The following SFI1 variants were observed in gnomAD, a reference collection of about 807,000 sequenced individuals.
SFI1 encodes protein SFI1 homolog.
In SFI1, 195 loss-of-function variants were observed where a neutral mutation model predicts 207.5. The observed-to-expected ratio is 0.94, with a 90% CI of 0.84 to 1.06. The LOEUF (loss-of-function observed/expected upper bound fraction) is 1.06. Among genes scored for constraint, SFI1 ranks in the 50% least tolerant of loss-of-function variants. The pLI is 0.00. For missense variants in SFI1, 1,634 were observed against 1,588.0 expected (o/e 1.03, Z -0.49); for synonymous variants, 630 against 598.9 (o/e 1.05, Z -0.76).
chr22:31,566,637 T>C (rs1366319255), intron 8 of SFI1, among the ~76,000 whole-genome samples: 2 of 152,196 alleles, frequency 1.3e-5, no homozygotes, highest in African/African-American at 2.4e-5. Context: ...TGTAAGTAGA[T>C]TGTAATAGTA....
At chr22:31,569,742 A>G (rs1012478644) in intron 8 of SFI1, among the ~76,000 whole-genome samples, 7 of 152,044 alleles carry the variant, frequency 4.6e-5, no homozygotes, top group African/African-American at 1.4e-4. Context: ...GAGCCCTAGC[A>G]TCTGAGACCA....
chr22:31,580,495 G>T, intron 12 of SFI1, 131 bp downstream of exon 12: 14 of 512,938 alleles, frequency 2.7e-5, no homozygotes, highest in South Asian at 5.4e-5. Flanking sequence ...TGTCCAGACT[G>T]TCAACTGTAA....
intron 15 of SFI1, among the ~76,000 whole-genome samples, chr22:31,601,917 CAGGT>C (rs749006779): frequency 6.6e-6 from 1 of 150,904 alleles, no homozygotes; most frequent in Non-Finnish European, 1.5e-5. Context: ...CTCAGCCTCC[CAGGT>C]AGTTGGTACT....
intron 2 of SFI1, among the ~76,000 whole-genome samples, chr22:31,523,423 A>G (rs1243827628): frequency 6.6e-6 from 1 of 152,232 alleles, no homozygotes; most frequent in African/African-American, 2.4e-5. Context: ...ATCCAGTTTT[A>G]ATTTCCAAGT....
chr22:31,549,214 G>A (rs2060388580), intron 5 of SFI1, among the ~76,000 whole-genome samples: 2 of 149,298 alleles, frequency 1.3e-5, no homozygotes, highest in Middle Eastern at 6.8e-3. Context: ...CTGAGCCCAG[G>A]GAGGGCTCAA....
At chr22:31,568,165 ATGTGTGTG>A (rs751455847) in intron 8 of SFI1, among the ~76,000 whole-genome samples, 76 of 119,000 alleles carry the variant, frequency 6.4e-4, no homozygotes, top group Admixed American at 1.1e-3. Flanking sequence ...CTATATATAT[ATGTGTGTG>A]TGTGTGTGTG....
chr22:31,608,938 G>T (rs2069560710), intron 22 of SFI1, among the ~76,000 whole-genome samples: 1 of 152,010 alleles, frequency 6.6e-6, no homozygotes, highest in Non-Finnish European at 1.5e-5. Context: ...CCCAAGAGCT[G>T]GAGGCTGCAA....
chr22:31,531,844 G>T (rs2058559488), intron 4 of SFI1, among the ~76,000 whole-genome samples: 1 of 149,976 alleles, frequency 6.7e-6, no homozygotes, highest in African/African-American at 2.5e-5. Context: ...GATGAGCCAA[G>T]ATTGCACAGT....
chr22:31,593,168 T>C (rs1172677367), intron 15 of SFI1, among the ~76,000 whole-genome samples: 4 of 142,192 alleles, frequency 2.8e-5, no homozygotes, highest in Non-Finnish European at 4.6e-5. Context: ...ACGGGGTGGC[T>C]GCCGGGCGGA....
intron 3 of SFI1, chr22:31,530,775 G>T (rs1484659049): frequency 4.4e-6 from 2 of 449,490 alleles, no homozygotes; most frequent in Non-Finnish European, 8.5e-6. Flanking sequence ...ATGAACAAAA[G>T]AATTATTATG....
At position 31,618,408 on chromosome 22, in the gene SFI1, C is replaced by A; in HGVS notation, c.3719C>A (p.Ala1240Asp). The change falls in exon 33 of 33, where the codon GCC (alanine) becomes GAC (aspartate). Residue 1240 changes from alanine (A) to aspartate (D), a missense_variant. Ala to Asp is a moderately radical substitution (Grantham distance 126). Transcript: ENST00000400288. ...GCCCGCATCCAGGCCCTGCGGCAGG[C>A]CCTGTGCTAGCGTGTTCGCACCAGG... Reference protein sequence around the residue: ...CVARIQALRQALC With the variant: ...CVARIQALRQDLC The A allele has an allele frequency of 6.3e-7, 1 of 1,591,130 alleles. No homozygotes were observed. Among genetic ancestry groups the A allele is most frequent in the South Asian group, 1.1e-5 (1 of 89,146 alleles).
rs2070805135 is a variant in SFI1, at chr22:31,613,683, C to T, written c.2824C>T (p.Gln942Ter). 13 of 1,611,078 alleles carry T rather than the reference C, an allele frequency of 8.1e-6. No homozygotes were observed. In the East Asian group the frequency reaches 2.7e-4, roughly 33 times the overall value. ...AGTGCTGGGCCGGGGCGGGAAGCCT[C>T]AGCCCCTGGCAGCCATCGCACCCAG... ...QKVLGRGGKP[Q>*]PLAAIAPSRK... Residue 942 changes from glutamine (Q) to a stop codon, truncating the protein, a stop_gained, in exon 27 of 33, where the codon CAG becomes TAG. Coordinates refer to ENST00000400288, the MANE Select transcript of SFI1 (RefSeq NM_001007467.3). LOFTEE classifies it high-confidence loss of function.
At chr22:31,554,339 C>T (rs997602502) in intron 6 of SFI1, among the ~76,000 whole-genome samples, 1 of 151,782 alleles carries the variant, frequency 6.6e-6, no homozygotes, top group African/African-American at 2.4e-5. Context: ...GATGGAGTCT[C>T]GCTCTATTGC....
intron 9 of SFI1, among the ~76,000 whole-genome samples, chr22:31,573,840 T>G (rs184164974): frequency 7.0e-4 from 106 of 152,338 alleles, no homozygotes; most frequent in Middle Eastern, 6.8e-3. Flanking sequence ...ATCTTCCTTT[T>G]TTCCACACAG....
chr22:31,583,990 A>C lies in SFI1; in HGVS notation c.1346+18A>C. 1 of 1,600,536 alleles carries C rather than the reference A, an allele frequency of 6.2e-7. No individual in the cohort carries two copies. Among genetic ancestry groups the C allele is most frequent in the South Asian group, 1.1e-5 (1 of 90,794 alleles). ...CACTACAGGTAGGGACTCTGGTTTC[A>C]TCCCTGGCTCTCAGGGACTTTGTGC... On this transcript the variant is annotated intron_variant, in intron 13 of 32. Coordinates refer to ENST00000400288, the MANE Select transcript of SFI1 (RefSeq NM_001007467.3).
Position 31,546,763 on chromosome 22 carries a change from G to A in SFI1, c.339-98G>A, listed in dbSNP as rs1046636992. 39 of 766,296 alleles carry A rather than the reference G, an allele frequency of 5.1e-5. No individual in the cohort carries two copies. The Admixed American group carries it at 6.6e-4, about 13-fold the overall frequency. 47.5% of individuals were successfully genotyped at this position (766,296 alleles called of 1,614,324 possible). ...ATTACAGGTGTGAGCCACCACGCCC[G>A]GCTGTACTTTTTCATGAGACGGCAA... is the stretch of plus-strand genomic sequence containing the variant. On this transcript the variant is annotated intron_variant, in intron 4 of 32. Transcript: ENST00000400288.
At chr22:31,587,042 C>G (rs2065111136) in intron 14 of SFI1, among the ~76,000 whole-genome samples, 1 of 152,140 alleles carries the variant, frequency 6.6e-6, no homozygotes, top group Non-Finnish European at 1.5e-5. Flanking sequence ...AAGTAACATA[C>G]AGTCAGCCCT....
intron 4 of SFI1, among the ~76,000 whole-genome samples, chr22:31,545,243 G>A (rs2059957107): frequency 6.6e-6 from 1 of 152,082 alleles, no homozygotes; most frequent in Non-Finnish European, 1.5e-5. Context: ...GCACATGCCT[G>A]TAATCCCGCT....
chr22:31,517,003 G>A (rs573811126), intron 2 of SFI1, among the ~76,000 whole-genome samples: 6 of 149,790 alleles, frequency 4.0e-5, no homozygotes, highest in South Asian at 4.3e-4. Context: ...ATGTGGTGTC[G>A]CATGCCTATA....
Sources: allele counts gnomAD v4.1 joint callset (sites outside exome capture counted in the v4.1 genomes callset), GRCh38; gene constraint gnomAD v4.1.1; transcripts MANE v1.5; gene names NCBI Gene and HGNC (gene_info 2026-07-23, HGNC 2026-07-21).